Variants in AUTS2 observed in about 807,000 individuals in gnomAD.
AUTS2 encodes autism susceptibility gene 2 protein.
AUTS2 carries 17 observed loss-of-function variants against 112.4 expected under a neutral mutation model. The ratio of observed to expected loss-of-function variants is 0.15; its 90% CI spans 0.10 to 0.23. The LOEUF (loss-of-function observed/expected upper bound fraction) is 0.23. Among genes scored for constraint, AUTS2 ranks in the 10% least tolerant of loss-of-function variants. AUTS2 has a pLI of 1.00. For missense variants in AUTS2, 1,510 were observed against 1,701.6 expected (o/e 0.89, Z 1.98); for synonymous variants, 751 against 702.7 (o/e 1.07, Z -1.09).
At chr7:69,978,898 A>ACACG (rs1172042451) in intron 2 of AUTS2, among the ~76,000 whole-genome samples, 3 of 141,746 alleles carry the variant, frequency 2.1e-5, no homozygotes, top group South Asian at 2.3e-4. Flanking sequence ...ACACACACAC[A>ACACG]CACGCACACA....
intron 5 of AUTS2, among the ~76,000 whole-genome samples, chr7:70,650,045 T>C (rs943589663): frequency 2.6e-5 from 4 of 152,172 alleles, no homozygotes; most frequent in African/African-American, 9.7e-5. Context: ...GGGGCACGGA[T>C]TGGCTTCTCT....
chr7:69,864,001 C>T (rs1263744087), intron 1 of AUTS2, among the ~76,000 whole-genome samples: 2 of 152,268 alleles, frequency 1.3e-5, no homozygotes, highest in East Asian at 3.9e-4. Context: ...GGCTATGGTT[C>T]TGATACCAGG....
At chr7:70,126,700 CTT>C (rs2129574206) in intron 3 of AUTS2, among the ~76,000 whole-genome samples, 2 of 152,286 alleles carry the variant, frequency 1.3e-5, no homozygotes, top group South Asian at 4.1e-4. Flanking sequence ...TACTTAAAAA[CTT>C]TTAATAAACA....
intron 15 of AUTS2, 137 bp from the exon 16 acceptor site, chr7:70,784,805 G>T (rs1428937731): frequency 8.1e-6 from 5 of 620,176 alleles, no homozygotes; most frequent in Middle Eastern, 2.6e-4. Flanking sequence ...TGTCTTGCCT[G>T]CAGGGGCCTG....
intron 2 of AUTS2, among the ~76,000 whole-genome samples, chr7:70,048,643 G>A (rs766408477): frequency 6.6e-5 from 10 of 152,138 alleles, no homozygotes; most frequent in Non-Finnish European, 1.3e-4. Flanking sequence ...AGTGGCTTTT[G>A]GATGTGTCCA....
intron 5 of AUTS2, among the ~76,000 whole-genome samples, chr7:70,666,662 A>G (rs1403071591): frequency 6.6e-6 from 1 of 150,950 alleles, no homozygotes; most frequent in East Asian, 2.0e-4. Context: ...ATTTTTTTTT[A>G]TATATGTCTG....
At chr7:70,322,804 G>A (rs11770963) in intron 4 of AUTS2, among the ~76,000 whole-genome samples, 13,049 of 152,156 alleles carry the variant, frequency 0.086, 757 homozygotes, top group African/African-American at 0.16. Flanking sequence ...TGCCCTGTAC[G>A]GATACCAATT....
intron 1 of AUTS2, among the ~76,000 whole-genome samples, chr7:69,616,285 C>G (rs1383347381): frequency 6.6e-6 from 1 of 152,182 alleles, no homozygotes; most frequent in Non-Finnish European, 1.5e-5. Context: ...GTGGTGGAGT[C>G]AAGAAAGTAC....
intron 1 of AUTS2, among the ~76,000 whole-genome samples, chr7:69,879,386 G>A (rs931641522): frequency 2.0e-5 from 3 of 151,054 alleles, no homozygotes; most frequent in African/African-American, 7.3e-5. Flanking sequence ...CTGGGCTCAA[G>A]TCATCCACTC....
chr7:69,632,175 A>C (rs1267752152), intron 1 of AUTS2, among the ~76,000 whole-genome samples: 2 of 152,188 alleles, frequency 1.3e-5, no homozygotes, highest in African/African-American at 4.8e-5. Context: ...GGCTGTTCAA[A>C]TGTCTGGATC....
At chr7:70,464,749 A>T (rs1207526264) in intron 5 of AUTS2, among the ~76,000 whole-genome samples, 1 of 152,206 alleles carries the variant, frequency 6.6e-6, no homozygotes, top group Non-Finnish European at 1.5e-5. Flanking sequence ...TTTCTGGTTA[A>T]CTGGAATATG....
intron 5 of AUTS2, among the ~76,000 whole-genome samples, chr7:70,489,564 G>A (rs906457000): frequency 1.3e-5 from 2 of 152,212 alleles, no homozygotes; most frequent in African/African-American, 2.4e-5. Flanking sequence ...CTTTAGTGAC[G>A]TAGAGATTTA....
intron 1 of AUTS2, among the ~76,000 whole-genome samples, chr7:69,783,888 G>A (rs990796665): frequency 5.3e-5 from 8 of 152,164 alleles, no homozygotes; most frequent in African/African-American, 1.9e-4. Context: ...CCAATTTATA[G>A]TATAAGTCAT....
rs1011531437 is a variant in AUTS2 at position 70,036,548 on chromosome 7, C to T, written c.523-81584C>T. ...TCCCACCTTGTTTCTCCTCTCTCTGCCCCACTGGGATTCTAGCTGCTTCTT... is the reference window on the plus strand; with the variant it reads ...TCCCACCTTGTTTCTCCTCTCTCTGTCCCACTGGGATTCTAGCTGCTTCTT... On this transcript the variant is annotated intron_variant, in intron 2 of 18. Transcript: ENST00000342771. Among the ~76,000 whole-genome samples, 21 of 152,190 alleles carry T rather than the reference C, an allele frequency of 1.4e-4. 1 individual carries two copies. Among genetic ancestry groups the T allele is most frequent in the African/African-American group, 4.8e-4 (20 of 41,446 alleles).
At chr7:70,278,072 T>G (rs1185381138) in intron 4 of AUTS2, among the ~76,000 whole-genome samples, 2 of 152,018 alleles carry the variant, frequency 1.3e-5, no homozygotes, top group Non-Finnish European at 2.9e-5. Flanking sequence ...TTTAATCTGG[T>G]GCATCTGAAC....
intron 2 of AUTS2, among the ~76,000 whole-genome samples, chr7:69,978,050 T>A (rs1026387252): frequency 6.6e-6 from 1 of 152,182 alleles, no homozygotes; most frequent in Non-Finnish European, 1.5e-5. Flanking sequence ...TTTAAAACAG[T>A]GGTTAAATAA....
chr7:70,642,460 G>A (rs1448397732), intron 5 of AUTS2, among the ~76,000 whole-genome samples: 1 of 152,006 alleles, frequency 6.6e-6, no homozygotes, highest in African/African-American at 2.4e-5. Context: ...TCACTTTTAG[G>A]TCTTTGTTTC....
chr7:70,783,855 G>C (rs948945480), intron 15 of AUTS2: 1 of 152,006 alleles, frequency 6.6e-6, no homozygotes, highest in African/African-American at 2.4e-5. Context: ...AAGTAGCCTC[G>C]TATTAACAAG....
intron 1 of AUTS2, among the ~76,000 whole-genome samples, chr7:69,840,586 A>G (rs1360478059): frequency 6.6e-6 from 1 of 152,180 alleles, no homozygotes; most frequent in Non-Finnish European, 1.5e-5. Context: ...ATTTCAGACA[A>G]TTTGTGCATT....
Sources: gnomAD v4.1 joint callset for allele counts (sites outside exome capture counted in the v4.1 genomes callset) on GRCh38, gnomAD v4.1.1 for gene constraint, MANE v1.5 for transcripts, NCBI Gene and HGNC (gene_info 2026-07-23, HGNC 2026-07-21) for gene names.